UBAP2: variants seen among roughly 807,000 people sequenced by gnomAD.
The protein encoded by UBAP2 is ubiquitin-associated protein 2.
A neutral mutation model predicts 139.6 loss-of-function variants in UBAP2; 75 were observed. The observed-to-expected ratio is 0.54, with a 90% CI of 0.45 to 0.65. The LOEUF is 0.65. Ranked by LOEUF, UBAP2 falls within the 30% of genes least tolerant of loss-of-function variation. The pLI is 0.00. For synonymous variants in UBAP2, 526 were observed against 526.2 expected (o/e 1.00, Z 0.01); for missense variants, 1,368 against 1,369.6 (o/e 1.00, Z 0.02).
In UBAP2 at chr9:33,931,181, C is replaced by A. The variant is rs537342064; in HGVS notation, c.2175+1381G>T. On this transcript the variant is annotated intron_variant, in intron 19 of 28. Coordinates refer to ENST00000379238, the MANE Select transcript of UBAP2 (RefSeq NM_001370062.2). ...TGCACGCATACATAATTTGAAAACA[C>A]CCATATTTGGAAGGCTGACTTTTCC... Among the ~76,000 whole-genome samples, 29 of 152,288 alleles carry A rather than the reference C, an allele frequency of 1.9e-4. 1 individual carries two copies. In the South Asian group the frequency reaches 6.0e-3, roughly 32 times the overall value.
At chr9:34,037,151 G>C (rs916551811) in intron 1 of UBAP2, among the ~76,000 whole-genome samples, 2 of 151,976 alleles carry the variant, frequency 1.3e-5, no homozygotes, top group Admixed American at 1.3e-4. Flanking sequence ...ACCATGCCTG[G>C]CTAATTTTTT....
At chr9:33,944,665 G>A in intron 13 of UBAP2, 26 bp from the exon 14 acceptor site, 1 of 1,606,262 alleles carries the variant, frequency 6.2e-7, no homozygotes, top group East Asian at 2.2e-5. Context: ...AGCAATTAAT[G>A]AGGCATAATG....
At chr9:34,000,525 C>A (rs1822612192) in intron 2 of UBAP2, among the ~76,000 whole-genome samples, 1 of 152,114 alleles carries the variant, frequency 6.6e-6, no homozygotes, top group Non-Finnish European at 1.5e-5. Context: ...CATCTCTGTA[C>A]AACGGTCTAT....
At chr9:34,042,110 G>C (rs984515404) in intron 1 of UBAP2, among the ~76,000 whole-genome samples, 14 of 152,110 alleles carry the variant, frequency 9.2e-5, no homozygotes, top group African/African-American at 3.4e-4. Flanking sequence ...TTCTTACATT[G>C]AGAATAAGAC....
At chr9:34,024,621 G>A (rs531693350) in intron 1 of UBAP2, among the ~76,000 whole-genome samples, 71 of 100,004 alleles carry the variant, frequency 7.1e-4, no homozygotes, top group Non-Finnish European at 1.2e-3. Context: ...CTGGAAAAAC[G>A]GGTCAGAAAA....
intron 1 of UBAP2, among the ~76,000 whole-genome samples, chr9:34,035,514 A>AAATATATAT: frequency 1.3e-4 from 3 of 22,488 alleles, no homozygotes; most frequent in South Asian, 9.7e-4. Flanking sequence ...AAAAAAAAAA[A>AAATATATAT]ATATATATAT....
chr9:34,006,865 G>A (rs1207149401), intron 2 of UBAP2, among the ~76,000 whole-genome samples: 4 of 152,108 alleles, frequency 2.6e-5, no homozygotes, highest in Non-Finnish European at 5.9e-5. Context: ...AACGACTAGA[G>A]AAACTGACTT....
chr9:33,979,237 C>G (rs554675588), intron 6 of UBAP2, among the ~76,000 whole-genome samples: 1 of 152,026 alleles, frequency 6.6e-6, no homozygotes, highest in Non-Finnish European at 1.5e-5. Flanking sequence ...GACCCTGTCT[C>G]TAAAAAAAGA....
chr9:33,998,606 C>T (rs1444162261), intron 3 of UBAP2, 181 bp downstream of exon 3: 1 of 542,350 alleles, frequency 1.8e-6, no homozygotes, highest in African/African-American at 1.9e-5. Context: ...GTATTCAATT[C>T]CTTCACTTGC....
intron 1 of UBAP2, among the ~76,000 whole-genome samples, chr9:34,032,056 G>C (rs1027915580): frequency 6.6e-6 from 1 of 151,896 alleles, no homozygotes; most frequent in Admixed American, 6.6e-5. Flanking sequence ...GAGGCGGGAG[G>C]ATTGCTTGAT....
intron 16 of UBAP2, among the ~76,000 whole-genome samples, chr9:33,937,561 C>T (rs570802705): frequency 2.9e-4 from 41 of 141,998 alleles, no homozygotes; most frequent in African/African-American, 9.9e-4. Context: ...GAGCCAAGAT[C>T]GCACCACTGC....
intron 19 of UBAP2, among the ~76,000 whole-genome samples, chr9:33,930,251 G>A (rs558820066): frequency 2.0e-5 from 3 of 152,190 alleles, no homozygotes; most frequent in African/African-American, 2.4e-5. Context: ...ATCACTATGC[G>A]GGGCAATCTG....
At chr9:33,939,763 GGGGGAGGAGGAAGGGGAGGAGGAA>G (rs1471254077) in intron 16 of UBAP2, among the ~76,000 whole-genome samples, 5 of 41,360 alleles carry the variant, frequency 1.2e-4, no homozygotes, top group East Asian at 1.1e-3. Flanking sequence ...GGGAGGGGGA[GGGGGAGGAGGAAGGGGAGGAGGAA>G]GGGGAGGAGG....
At chr9:34,010,122 TAAA>T (rs572189269) in intron 2 of UBAP2, among the ~76,000 whole-genome samples, 10,169 of 125,116 alleles carry the variant, frequency 0.081, 561 homozygotes, top group Non-Finnish European at 0.12. Flanking sequence ...TCCTGTCTAT[TAAA>T]AAAAAAAAAA....
chr9:33,978,597 A>G (rs573563), intron 6 of UBAP2, among the ~76,000 whole-genome samples: 60,404 of 151,672 alleles, frequency 0.4, 12,421 homozygotes, highest in South Asian at 0.48. Context: ...TGGCTAACAC[A>G]GTGAAACCCC....
At chr9:34,025,038 G>A (rs866148028) in intron 1 of UBAP2, among the ~76,000 whole-genome samples, 26 of 151,736 alleles carry the variant, frequency 1.7e-4, no homozygotes, top group African/African-American at 5.3e-4. Flanking sequence ...AGGTAAAAGC[G>A]TAAGTTACCA....
Position 33,971,744 on chromosome 9 carries a change from G to A in UBAP2, c.586C>T (p.Pro196Ser), listed in dbSNP as rs749262699. 12 of 1,595,228 alleles carry A rather than the reference G, an allele frequency of 7.5e-6. No homozygotes were observed. Among genetic ancestry groups the A allele is most frequent in the South Asian group, 1.1e-5 (1 of 90,684 alleles). ...GATGTAGAATCTGAATAGTCTGCAGGATTAAATGTCCTGGGGTTTGAAATA... is the reference window on the plus strand; with the variant it reads ...GATGTAGAATCTGAATAGTCTGCAGAATTAAATGTCCTGGGGTTTGAAATA... Reference protein sequence around the residue: ...FSTQGMGTFNPADYSDSTSTD... With the variant: ...FSTQGMGTFNSADYSDSTSTD... Residue 196 changes from proline to serine, a missense_variant, in exon 8 of 29, where the codon CCT becomes TCT. Physicochemically the swap from Pro to Ser is moderately conservative, Grantham distance 74. Coordinates refer to ENST00000379238, the MANE Select transcript of UBAP2 (RefSeq NM_001370062.2).
chr9:33,944,695 T>C (rs1387985082), intron 13 of UBAP2, 56 bp from the exon 14 acceptor site: 89 of 1,570,448 alleles, frequency 5.7e-5, no homozygotes, highest in Non-Finnish European at 6.9e-5. Flanking sequence ...TGTTCTTCAA[T>C]AGAACATGAA....
intron 2 of UBAP2, among the ~76,000 whole-genome samples, chr9:34,016,204 GAGGAAT>G (rs1332653398): frequency 7.5e-6 from 1 of 133,674 alleles, no homozygotes; most frequent in South Asian, 2.6e-4. Flanking sequence ...GAAGGAAGAG[GAGGAAT>G]AGGAGGAAGA....
Sources: allele counts gnomAD v4.1 joint callset (sites outside exome capture counted in the v4.1 genomes callset), GRCh38; gene constraint gnomAD v4.1.1; transcripts MANE v1.5; gene names NCBI Gene and HGNC (gene_info 2026-07-23, HGNC 2026-07-21).